Variants in PAK2 observed in about 807,000 individuals in gnomAD.
PAK2 encodes the protein p21 (RAC1) activated kinase 2.
Under a neutral mutation model 65.9 loss-of-function variants are expected in PAK2, and 21 were observed. The observed-to-expected ratio is 0.32, with a 90% CI of 0.23 to 0.46. PAK2 has a LOEUF of 0.46. PAK2 is among the 20% of genes least tolerant of loss of function. PAK2 has a pLI of 1.00. For missense variants in PAK2, 324 were observed against 642.6 expected (o/e 0.50, Z 5.36); for synonymous variants, 204 against 219.7 (o/e 0.93, Z 0.63).
At chr3:196,744,791 T>C (rs1192318773) in intron 1 of PAK2, among the ~76,000 whole-genome samples, 1 of 152,222 alleles carries the variant, frequency 6.6e-6, no homozygotes, top group African/African-American at 2.4e-5. Flanking sequence ...TAATTATTTG[T>C]GATCATTTAT....
intron 10 of PAK2, among the ~76,000 whole-genome samples, chr3:196,814,034 A>G (rs1715914196): frequency 6.6e-6 from 1 of 152,168 alleles, no homozygotes; most frequent in African/African-American, 2.4e-5. Flanking sequence ...GTGGTGGTTA[A>G]GATAAGCCAG....
At position 196,820,692 on chromosome 3, in the gene PAK2, CT is replaced by C. The variant is rs1384229179; in HGVS notation, c.1350+126del. ...GGTTGATAAAACCTAATCTCTGCCC[CT>C]AACTCTGCATCTAGAAATCATTTGC... is the stretch of plus-strand genomic sequence containing the variant. On this transcript the variant is annotated intron_variant, in intron 13 of 14. Transcript: ENST00000327134. This position sits in a 1 kb window ranked among gnomAD's most constrained non-coding sequence, Gnocchi z 4.6. The C allele has an allele frequency of 2.1e-6, 1 of 477,444 alleles. No homozygotes were observed. The highest frequency in any genetic ancestry group is 4.5e-5 in the South Asian group (1 of 22,218). 29.6% of individuals were successfully genotyped at this position (477,444 alleles called of 1,614,324 possible).
chr3:196,820,524 T>C lies in PAK2; in HGVS notation c.1307T>C (p.Met436Thr). 6.2e-7 allele frequency: 1 copy of C among 1,610,520 alleles called. No individual in the cohort carries two copies. Among genetic ancestry groups the C allele is most frequent in the Non-Finnish European group, 8.5e-7 (1 of 1,177,870 alleles). ...IWSLGIMAIE[M>T]VEGEPPYLNE... ...TCTCTGGGTATCATGGCTATTGAGATGGTAGAAGGAGAGCCTCCATACCTC... is the reference window on the plus strand; with the variant it reads ...TCTCTGGGTATCATGGCTATTGAGACGGTAGAAGGAGAGCCTCCATACCTC... Residue 436 changes from methionine to threonine, a missense_variant, in exon 13 of 15, where the codon ATG becomes ACG. Transcript: ENST00000327134. The surrounding 1 kb of genome is among the most constrained non-coding windows in gnomAD (Gnocchi z 4.6).
chr3:196,754,217 A>AATTT (rs1713699002), intron 1 of PAK2, among the ~76,000 whole-genome samples: 1 of 152,162 alleles, frequency 6.6e-6, no homozygotes, highest in African/African-American at 2.4e-5. Context: ...TTCCTGAAGT[A>AATTT]ATTTACCTTG....
In PAK2 at chr3:196,812,795, C is replaced by T. The variant is rs372974626; in HGVS notation, c.879C>T (p.Asn293=). Residue 293 remains asparagine (N), a synonymous_variant, in exon 10 of 15, where the codon AAC becomes AAT. Coordinates refer to ENST00000327134, the MANE Select transcript of PAK2 (RefSeq NM_002577.4). ...AGCCAAAGAAGGAACTGATCATTAA[C>T]GAGATTCTGGTGATGAAAGAATTGA... ...QKQPKKELII[N]EILVMKELKN... 2.1e-5 allele frequency: 33 copies of T among 1,582,230 alleles called. No individual in the cohort carries two copies. The highest frequency in any genetic ancestry group is 5.4e-5 in the African/African-American group (4 of 74,306).
chr3:196,807,777 C>T lies in PAK2; in HGVS notation c.577-5C>T. ...AAACCTTGGTAATGAACTGTGTCTC[C>T]ACAGATTTACACACGGTCTGTAATT... On this transcript the variant is annotated splice_polypyrimidine_tract_variant and splice_region_variant and intron_variant, in intron 6 of 14. Coordinates refer to ENST00000327134, the MANE Select transcript of PAK2 (RefSeq NM_002577.4). 1 of 1,568,992 alleles carries T rather than the reference C, an allele frequency of 6.4e-7. No homozygotes were observed.
chr3:196,783,572 A>G (rs960955816), intron 2 of PAK2, among the ~76,000 whole-genome samples: 7 of 127,740 alleles, frequency 5.5e-5, no homozygotes, highest in Middle Eastern at 7.9e-3. Context: ...ACAGGGTGAG[A>G]CTCTCTCAAA....
At chr3:196,814,331 C>G (rs1019005537) in intron 10 of PAK2, 120 bp from the exon 11 acceptor site, 6 of 603,288 alleles carry the variant, frequency 9.9e-6, no homozygotes, top group African/African-American at 9.7e-5. Flanking sequence ...CTTCCTAACT[C>G]TCAAGCTACC....
In PAK2 at chr3:196,810,618, GA is replaced by G. The variant is rs143600502; in HGVS notation, c.744del (p.Lys248AsnfsTer43). The G allele has an allele frequency of 1.9e-6, 3 of 1,569,016 alleles. No individual in the cohort carries two copies. Among genetic ancestry groups the G allele is most frequent in the Non-Finnish European group, 1.8e-6 (2 of 1,139,708 alleles). Reference sequence around the variant, plus strand: ...CTATCGTGAGCATAGGTGACCCTAAGAAAAAATATACAAGATATGAAAAAAT... The same window carrying G: ...CTATCGTGAGCATAGGTGACCCTAAGAAAAATATACAAGATATGAAAAAAT... ...RTIVSIGDPK[K>X]KYTRYEKIGQ... is the part of the protein sequence containing the mutation. On this transcript the variant is annotated frameshift_variant, in exon 8 of 15. Coordinates refer to ENST00000327134, the MANE Select transcript of PAK2 (RefSeq NM_002577.4). LOFTEE classifies it high-confidence loss of function.
intron 12 of PAK2, among the ~76,000 whole-genome samples, chr3:196,819,926 G>A (rs1711595714): frequency 1.3e-5 from 2 of 152,108 alleles, no homozygotes; most frequent in South Asian, 4.1e-4. Context: ...TCCCTCCCAT[G>A]TTGCCCAGGA....
chr3:196,759,532 T>G (rs1577701914), intron 1 of PAK2, among the ~76,000 whole-genome samples: 2 of 81,714 alleles, frequency 2.4e-5, no homozygotes, highest in African/African-American at 8.9e-5. Flanking sequence ...TTTTTTTTTT[T>G]TTTTTGAGAT....
chr3:196,789,104 G>C (rs1470847648), intron 2 of PAK2, among the ~76,000 whole-genome samples: 1 of 152,214 alleles, frequency 6.6e-6, no homozygotes, highest in Non-Finnish European at 1.5e-5. Flanking sequence ...TTCGAAGTGT[G>C]AGAGTGAAGT....
intron 13 of PAK2, among the ~76,000 whole-genome samples, chr3:196,825,436 G>T (rs888060048): frequency 1.3e-5 from 2 of 151,902 alleles, no homozygotes; most frequent in Non-Finnish European, 2.9e-5. Flanking sequence ...AAAGTTGGGA[G>T]TTTAAGACCA....
intron 1 of PAK2, among the ~76,000 whole-genome samples, chr3:196,768,996 TGTTAC>T (rs753570372): frequency 6.6e-6 from 1 of 151,980 alleles, no homozygotes; most frequent in Non-Finnish European, 1.5e-5. Flanking sequence ...GGTCTTGCTC[TGTTAC>T]CCAGGCTGGA....
chr3:196,757,011 C>G (rs1369718263), intron 1 of PAK2, among the ~76,000 whole-genome samples: 2 of 152,188 alleles, frequency 1.3e-5, no homozygotes, highest in African/African-American at 4.8e-5. Flanking sequence ...GTTCTTATTC[C>G]TGACACAGGT....
chr3:196,792,634 G>GA (rs1323096472), intron 2 of PAK2, among the ~76,000 whole-genome samples: 3 of 152,078 alleles, frequency 2.0e-5, no homozygotes, highest in Non-Finnish European at 2.9e-5. Context: ...TGTAAACAAA[G>GA]AAGAGCATAC....
chr3:196,805,348 T>C lies in PAK2; in HGVS notation c.437-4T>C. ...GCTAATGTTATGTTTTGTTTCATATTCAGAGAAAGATGGCTTTCCTTCTGG... is the reference window on the plus strand; with the variant it reads ...GCTAATGTTATGTTTTGTTTCATATCCAGAGAAAGATGGCTTTCCTTCTGG... On this transcript the variant is annotated splice_region_variant and splice_polypyrimidine_tract_variant and intron_variant, in intron 4 of 14. Coordinates refer to ENST00000327134, the MANE Select transcript of PAK2 (RefSeq NM_002577.4). 7.0e-7 allele frequency: 1 copy of C among 1,424,592 alleles called. No individual in the cohort carries two copies. Among genetic ancestry groups the C allele is most frequent in the Non-Finnish European group, 9.6e-7 (1 of 1,042,358 alleles). 88.2% of individuals were successfully genotyped at this position (1,424,592 alleles called of 1,614,324 possible).
rs1560123451 is a variant in PAK2 at position 196,830,921 on chromosome 3, C to T, written c.*2516C>T. The T allele has an allele frequency of 1.3e-5, 2 of 152,166 alleles. No individual in the cohort carries two copies. Among genetic ancestry groups the T allele is most frequent in the Non-Finnish European group, 2.9e-5 (2 of 68,024 alleles). The allele number at this position is 152,166 out of a possible 1,614,324, so 9.4% of individuals were successfully genotyped here. A position where few individuals can be genotyped will look rare whatever the true frequency, so the allele number is the denominator to read the frequency against. On this transcript the variant is annotated 3_prime_UTR_variant, in exon 15 of 15. Coordinates refer to ENST00000327134, the MANE Select transcript of PAK2 (RefSeq NM_002577.4). ...ATTTTTTTTGATACAGAGTCTCACT[C>T]TGTCACTCAGGCTGGAGTGCAGTGA...
chr3:196,820,236 G>A lies in PAK2; in HGVS notation c.1154-135G>A. 2.3e-6 allele frequency: 1 copy of A among 426,396 alleles called. No homozygotes were observed. Among genetic ancestry groups the A allele is most frequent in the East Asian group, 3.7e-5 (1 of 27,368 alleles). 26.4% of individuals were successfully genotyped at this position (426,396 alleles called of 1,614,324 possible). A position where few individuals can be genotyped will look rare whatever the true frequency, so the allele number is the denominator to read the frequency against. ...TGAAAATATTTTTAAACTCATTCTG[G>A]TTTACTTTATTAATGAAATCTTTAA... is the stretch of plus-strand genomic sequence containing the variant. On this transcript the variant is annotated intron_variant, in intron 12 of 14. Coordinates refer to ENST00000327134, the MANE Select transcript of PAK2 (RefSeq NM_002577.4). This position sits in a 1 kb window ranked among gnomAD's most constrained non-coding sequence, Gnocchi z 4.6.
Sources: gnomAD v4.1 joint callset for allele counts (sites outside exome capture counted in the v4.1 genomes callset) on GRCh38, gnomAD v4.1.1 for gene constraint, Gnocchi (gnomAD v3.1) non-coding constraint, MANE v1.5 for transcripts, NCBI Gene and HGNC (gene_info 2026-07-23, HGNC 2026-07-21) for gene names.